The following GLIS3 variants were observed in gnomAD, a reference collection of about 807,000 sequenced individuals.
The protein encoded by GLIS3 is zinc finger protein GLIS3.
Under a neutral mutation model 78.6 loss-of-function variants are expected in GLIS3, and 53 were observed. The ratio of observed to expected loss-of-function variants is 0.67; its 90% CI spans 0.54 to 0.85. The LOEUF is 0.85. Ranked by LOEUF, GLIS3 falls within the 40% of genes least tolerant of loss-of-function variation. The pLI is 0.00. For missense variants in GLIS3, 1,703 were observed against 1,231.1 expected (o/e 1.38, Z -5.74); for synonymous variants, 684 against 509.9 (o/e 1.34, Z -4.60).
chr9:3,983,776 G>A (rs1179837289), intron 4 of GLIS3, among the ~76,000 whole-genome samples: 1 of 152,180 alleles, frequency 6.6e-6, no homozygotes, highest in Non-Finnish European at 1.5e-5. Flanking sequence ...AAGCAGCAGA[G>A]CATTCAAGAG....
chr9:3,866,488 G>A (rs1820594804), intron 8 of GLIS3, among the ~76,000 whole-genome samples: 4 of 152,138 alleles, frequency 2.6e-5, no homozygotes, highest in African/African-American at 9.7e-5. Flanking sequence ...AGGCGGGAAA[G>A]AAAAGTTTTA....
intron 2 of GLIS3, among the ~76,000 whole-genome samples, chr9:4,323,940 A>C (rs761973935): frequency 2.6e-5 from 4 of 152,240 alleles, no homozygotes; most frequent in Non-Finnish European, 5.9e-5. Flanking sequence ...TGACTTTGTT[A>C]TATTTTTAGC....
chr9:4,350,741 G>A (rs753581386), upstream of GLIS3, among the ~76,000 whole-genome samples: 8 of 152,144 alleles, frequency 5.3e-5, no homozygotes, highest in Non-Finnish European at 1.0e-4. Context: ...TGTCTCTGCT[G>A]CCTCTATGTC....
At chr9:3,884,696 G>T (rs1401036770) in intron 7 of GLIS3, among the ~76,000 whole-genome samples, 1 of 152,096 alleles carries the variant, frequency 6.6e-6, no homozygotes, top group African/African-American at 2.4e-5. Context: ...CATTTCCCCA[G>T]TTTGCTGATG....
the GLIS3 span, among the ~76,000 whole-genome samples, chr9:4,401,210 G>A: frequency 1.3e-5 from 2 of 152,084 alleles, no homozygotes; most frequent in Non-Finnish European, 2.9e-5. Context: ...CCCAGGCCTG[G>A]CAGCATTAAC....
intron 9 of GLIS3, among the ~76,000 whole-genome samples, chr9:3,848,587 T>C (rs542655790): frequency 6.6e-6 from 1 of 152,360 alleles, no homozygotes; most frequent in South Asian, 2.1e-4. Context: ...CAGTCATGGC[T>C]ACAGCCCATA....
chr9:4,319,983 T>TGTG (rs1817499042), intron 2 of GLIS3, among the ~76,000 whole-genome samples: 1 of 145,080 alleles, frequency 6.9e-6, no homozygotes, highest in Non-Finnish European at 1.5e-5. Flanking sequence ...GTAGAGGGGG[T>TGTG]TGTGTGTGTG....
chr9:4,038,949 A>T (rs993082751), intron 4 of GLIS3, among the ~76,000 whole-genome samples: 3 of 152,206 alleles, frequency 2.0e-5, no homozygotes, highest in Admixed American at 6.5e-5. Flanking sequence ...TGAGGAACTA[A>T]CTGCCCTCCC....
At chr9:3,948,391 T>C (rs528221926) in intron 4 of GLIS3, among the ~76,000 whole-genome samples, 17 of 152,204 alleles carry the variant, frequency 1.1e-4, no homozygotes, top group Non-Finnish European at 2.4e-4. Context: ...AAACTGTCAT[T>C]AAATCCATTA....
At chr9:4,395,737 A>C in the GLIS3 span, among the ~76,000 whole-genome samples, 1 of 151,064 alleles carries the variant, frequency 6.6e-6, no homozygotes, top group Non-Finnish European at 1.5e-5. Flanking sequence ...TACTACGGAC[A>C]CTGAGAATAA....
chr9:3,916,677 C>G (rs1013519433), intron 6 of GLIS3, among the ~76,000 whole-genome samples: 1 of 152,190 alleles, frequency 6.6e-6, no homozygotes, highest in Non-Finnish European at 1.5e-5. Flanking sequence ...AAAACACTTA[C>G]TCTTTACTGC....
At chr9:4,279,701 G>C (rs1276686475) in intron 2 of GLIS3, among the ~76,000 whole-genome samples, 7 of 608 alleles carry the variant, frequency 0.012, no homozygotes, top group African/African-American at 0.018. Context: ...TGGTCAGTCG[G>C]TTTGCTTAGC....
chr9:4,233,067 T>A (rs1020199573), intron 2 of GLIS3, among the ~76,000 whole-genome samples: 5 of 152,232 alleles, frequency 3.3e-5, no homozygotes, highest in African/African-American at 7.2e-5. Context: ...TGAGCTCTAA[T>A]GGCCAATTAC....
chr9:4,113,656 T>C (rs1179271664), intron 4 of GLIS3, among the ~76,000 whole-genome samples: 1 of 152,186 alleles, frequency 6.6e-6, no homozygotes, highest in African/African-American at 2.4e-5. Context: ...TTCCACAGCT[T>C]ACAATAAATT....
At chr9:4,050,510 T>C (rs1385187720) in intron 4 of GLIS3, among the ~76,000 whole-genome samples, 1 of 152,106 alleles carries the variant, frequency 6.6e-6, no homozygotes, top group Non-Finnish European at 1.5e-5. Context: ...GACAATTTGA[T>C]GGGTGCAGCA....
intron 4 of GLIS3, among the ~76,000 whole-genome samples, chr9:4,043,509 G>A (rs1000288384): frequency 6.6e-6 from 1 of 152,052 alleles, no homozygotes; most frequent in African/African-American, 2.4e-5. Context: ...TCTGTAGGAA[G>A]GGCTGGGAAG....
At chr9:4,283,952 G>T (rs371537372) in intron 2 of GLIS3, among the ~76,000 whole-genome samples, 24 of 152,314 alleles carry the variant, frequency 1.6e-4, no homozygotes, top group African/African-American at 4.8e-4. Flanking sequence ...CTAGGAAGCT[G>T]AGCAAGGAAA....
chr9:4,160,768 G>C (rs2131081244), intron 2 of GLIS3, among the ~76,000 whole-genome samples: 1 of 152,248 alleles, frequency 6.6e-6, no homozygotes, highest in Non-Finnish European at 1.5e-5. Context: ...CCAAGTTAGG[G>C]TTTCAGATAT....
chr9:3,937,565 G>A (rs1825965990), intron 4 of GLIS3, among the ~76,000 whole-genome samples: 1 of 151,986 alleles, frequency 6.6e-6, no homozygotes, highest in Non-Finnish European at 1.5e-5. Flanking sequence ...GAAGGAACTG[G>A]AAAGGAAGAA....
Sources: allele counts gnomAD v4.1 joint callset (sites outside exome capture counted in the v4.1 genomes callset), GRCh38; gene constraint gnomAD v4.1.1; transcripts MANE v1.5; gene names NCBI Gene and HGNC (gene_info 2026-07-23, HGNC 2026-07-21).